The following EFTUD2 variants were observed in gnomAD, a reference collection of about 807,000 sequenced individuals.
EFTUD2 encodes the protein elongation factor Tu GTP binding domain containing 2.
Under a neutral mutation model 114.3 loss-of-function variants are expected in EFTUD2, and 9 were observed. The observed-to-expected ratio is 0.08, with a 90% confidence interval of 0.05 to 0.14. EFTUD2 has a LOEUF of 0.14. EFTUD2 is among the 10% of genes least tolerant of loss of function. EFTUD2 has a pLI of 1.00. For synonymous variants in EFTUD2, 449 were observed against 462.3 expected, an observed-to-expected ratio of 0.97 and a Z score of 0.37; for missense variants, 765 against 1,241.2, an observed-to-expected ratio of 0.62 and a Z score of 5.76.
chr17:44,871,346 T>TC (rs2050851309), intron 11 of EFTUD2, among the ~76,000 whole-genome samples: 1 of 144,618 alleles, frequency 6.9e-6, no homozygotes, highest in Non-Finnish European at 1.5e-5. Context: ...AACTTCAATT[T>TC]TTTTTTTTTT....
At chr17:44,855,525 G>A (rs1398295633) in intron 20 of EFTUD2, among the ~76,000 whole-genome samples, 1 of 151,714 alleles carries the variant, frequency 6.6e-6, no homozygotes, top group Non-Finnish European at 1.5e-5. Context: ...CCGAGATTGT[G>A]CCACTGCACT....
chr17:44,868,375 A>C (rs374283566), intron 11 of EFTUD2, 25 bp from the exon 12 acceptor site: 1 of 1,611,426 alleles, frequency 6.2e-7, no homozygotes, highest in Non-Finnish European at 8.5e-7. Context: ...ACACAATTAT[A>C]ATCTACCTAG....
chr17:44,872,242 A>G (rs1265673969), intron 11 of EFTUD2, among the ~76,000 whole-genome samples: 2 of 152,124 alleles, frequency 1.3e-5, no homozygotes, highest in Non-Finnish European at 2.9e-5. Context: ...CCTCCTATTC[A>G]CTTTTATTTT....
At chr17:44,876,696 C>T (rs904302545) in intron 9 of EFTUD2, among the ~76,000 whole-genome samples, 2 of 151,750 alleles carry the variant, frequency 1.3e-5, no homozygotes, top group Non-Finnish European at 2.9e-5. Flanking sequence ...ACTAAAAATA[C>T]AAAAAGATGA....
At position 44,852,541 on chromosome 17, in the gene EFTUD2, T is replaced by A; in HGVS notation, c.2583A>T (p.Ala861=). The A allele has an allele frequency of 6.2e-7, 1 of 1,613,882 alleles. No individual in the cohort carries two copies. Residue 861 remains alanine, a synonymous_variant, in exon 26 of 28, where the codon GCA becomes GCT. Transcript: ENST00000426333. ...TGTACAGAGGGGAGCCTGGGATGGG[T>A]GCATCCTGAGTCACGTGCCCCCTGA... ...ARRRGHVTQD[A]PIPGSPLYTI... is the part of the protein sequence containing the mutation.
At chr17:44,852,649 C>CTGG in intron 25 of EFTUD2, 87 bp from the exon 26 acceptor site, 1 of 1,477,726 alleles carries the variant, frequency 6.8e-7, no homozygotes, top group African/African-American at 1.4e-5. Context: ...CCCCCAAATG[C>CTGG]ATTCCAGCCC....
intron 17 of EFTUD2, 128 bp downstream of exon 17, chr17:44,860,304 C>A: frequency 1.3e-6 from 1 of 779,710 alleles, no homozygotes; most frequent in South Asian, 1.6e-5. Flanking sequence ...CCAGCAGGGT[C>A]ATATCTAGAA....
chr17:44,852,977 T>A (rs568586325), intron 25 of EFTUD2, among the ~76,000 whole-genome samples: 5 of 150,916 alleles, frequency 3.3e-5, no homozygotes, highest in Non-Finnish European at 7.4e-5. Context: ...GCCTCCTGGG[T>A]TCACGCCATT....
intron 19 of EFTUD2, among the ~76,000 whole-genome samples, 174 bp downstream of exon 19, chr17:44,858,906 A>G (rs886676033): frequency 5.3e-5 from 8 of 152,122 alleles, no homozygotes; most frequent in African/African-American, 1.2e-4. Context: ...CGTATGACAC[A>G]GCAGAAGGGG....
At chr17:44,883,955 T>C (rs905792322) in intron 4 of EFTUD2, 39 of 525,328 alleles carry the variant, frequency 7.4e-5, no homozygotes, top group Middle Eastern at 5.3e-4. Context: ...ATTTCAATAG[T>C]AAAACAGCAA....
intron 10 of EFTUD2, chr17:44,873,126 T>G (rs1362088962): frequency 6.6e-6 from 1 of 152,540 alleles, no homozygotes; most frequent in East Asian, 1.9e-4. Flanking sequence ...GAAAACGAGT[T>G]GTACAAGGGG....
chr17:44,883,776 G>C, intron 4 of EFTUD2, 52 bp from the exon 5 acceptor site: 2 of 1,570,964 alleles, frequency 1.3e-6, no homozygotes, highest in South Asian at 2.2e-5. Context: ...GTTTCCAAAT[G>C]AGGAGTGGTG....
intron 1 of EFTUD2, among the ~76,000 whole-genome samples, chr17:44,895,074 A>C (rs1448048389): frequency 6.6e-6 from 1 of 152,302 alleles, no homozygotes; most frequent in Non-Finnish European, 1.5e-5. Context: ...AGCTGTTTTT[A>C]CATGGCCCTC....
At position 44,850,014 on chromosome 17, in the gene EFTUD2, A is replaced by C. The variant is rs1185741847; in HGVS notation, c.*1260T>G. 4.4e-5 allele frequency: 12 copies of C among 271,946 alleles called. No homozygotes were observed. Among genetic ancestry groups the C allele is most frequent in the Admixed American group, 1.4e-4 (3 of 22,072 alleles). 16.8% of individuals were successfully genotyped at this position (271,946 alleles called of 1,614,324 possible). Reference sequence around the variant, plus strand: ...CTTGCTAACTGTGTGACAGTGGACAAATCTTTCTCACTGAGCCTCAGTTTC... The same window carrying C: ...CTTGCTAACTGTGTGACAGTGGACACATCTTTCTCACTGAGCCTCAGTTTC... On this transcript the variant is annotated 3_prime_UTR_variant, in exon 28 of 28. Coordinates refer to ENST00000426333, the MANE Select transcript of EFTUD2 (RefSeq NM_004247.4).
At chr17:44,869,572 T>C (rs560181143) in intron 11 of EFTUD2, among the ~76,000 whole-genome samples, 1 of 152,150 alleles carries the variant, frequency 6.6e-6, no homozygotes, top group Non-Finnish European at 1.5e-5. Flanking sequence ...GTGCTCGGAT[T>C]ACAGGCATGA....
chr17:44,879,488 G>A (rs2051031074), intron 9 of EFTUD2, 68 bp downstream of exon 9: 1 of 1,498,458 alleles, frequency 6.7e-7, no homozygotes. Context: ...TCAGTGCTCT[G>A]GGTATTGTTG....
rs769753535 is a variant in EFTUD2, at chr17:44,886,736, G to A, written c.120C>T (p.Asp40=). The A allele has an allele frequency of 2.9e-5, 47 of 1,613,316 alleles. 1 individual carries two copies. In the South Asian group the frequency reaches 3.6e-4, roughly 12 times the overall value. The change falls in exon 3 of 28, where the codon GAC becomes GAT. Residue 40 remains aspartate (D), a synonymous_variant. Transcript: ENST00000426333. The part of the protein sequence containing the change: ...TKDLDEMDDD[D]DDDDVGDHDD... ...CATGATCTCCTACGTCATCGTCGTCGTCATCATCATCCATCTGAAAGCAAG... is the reference window on the plus strand; with the variant it reads ...CATGATCTCCTACGTCATCGTCGTCATCATCATCATCCATCTGAAAGCAAG...
chr17:44,869,178 T>C (rs1253260571), intron 11 of EFTUD2, among the ~76,000 whole-genome samples: 1 of 152,240 alleles, frequency 6.6e-6, no homozygotes, highest in Admixed American at 6.5e-5. Flanking sequence ...TTTTCTTCCC[T>C]ACTCTGTTAA....
intron 1 of EFTUD2, among the ~76,000 whole-genome samples, chr17:44,896,322 G>A (rs1380737004): frequency 6.6e-6 from 1 of 152,116 alleles, no homozygotes; most frequent in Non-Finnish European, 1.5e-5. Flanking sequence ...AGAGCTTTTT[G>A]CACCTTTATC....
Sources: allele counts gnomAD v4.1 joint callset (sites outside exome capture counted in the v4.1 genomes callset), GRCh38; gene constraint gnomAD v4.1.1; transcripts MANE v1.5; gene names NCBI Gene and HGNC (gene_info 2026-07-23, HGNC 2026-07-21).